The following GPD2 variants were observed in gnomAD, a reference collection of about 807,000 sequenced individuals.
The protein encoded by GPD2 is glycerol-3-phosphate dehydrogenase, mitochondrial.
A neutral mutation model predicts 82.4 loss-of-function variants in GPD2; 54 were observed. That is an observed-to-expected ratio of 0.66 (90% confidence interval 0.53 to 0.82). The LOEUF is 0.82. GPD2 is among the 40% of genes least tolerant of loss of function. The probability of loss-of-function intolerance (pLI) is 0.00; values close to 1 mark genes in which losing one functional copy is unlikely to be tolerated. For missense variants in GPD2, 748 were observed against 896.2 expected (o/e 0.83, Z 2.11); for synonymous variants, 288 against 306.1 (o/e 0.94, Z 0.62).
intron 6 of GPD2, among the ~76,000 whole-genome samples, chr2:156,534,327 G>A (rs1288865614): frequency 6.6e-6 from 1 of 152,174 alleles, no homozygotes; most frequent in African/African-American, 2.4e-5. Flanking sequence ...GGAGCCTGGG[G>A]TTTGGGGTTT....
Position 156,569,482 on chromosome 2 carries a change from G to T in GPD2, c.1420G>T (p.Asp474Tyr). The T allele has an allele frequency of 6.2e-7, 1 of 1,613,288 alleles. No individual in the cohort carries two copies. Among genetic ancestry groups the T allele is most frequent in the Non-Finnish European group, 8.5e-7 (1 of 1,179,374 alleles). ...TVGLFLQGGK[D>Y]WSPTLYIRLV... ...TGGGCTTTTCCTTCAAGGGGGTAAA[G>T]ATTGGAGCCCCACACTCTACATTAG... The change falls in exon 11 of 17, where the codon GAT (aspartate) becomes TAT (tyrosine). Residue 474 changes from aspartate (D) to tyrosine (Y), a missense_variant. Asp to Tyr is a radical substitution (Grantham distance 160). Around this residue, in one of 3 missense-constraint regions of GPD2, gnomAD observed 692 missense variants for 809.7 expected, o/e 0.85. Transcript: ENST00000438166.
rs571607972 is a variant in GPD2, at chr2:156,457,081, T to G, written c.-8-19017T>G. Among the ~76,000 whole-genome samples, 509 of 152,304 alleles carry G rather than the reference T, an allele frequency of 3.3e-3. 10 individuals are homozygous for G. The highest frequency in any genetic ancestry group is 0.012 in the African/African-American group (489 of 41,556). On this transcript the variant is annotated intron_variant, in intron 1 of 16. Coordinates refer to ENST00000438166, the MANE Select transcript of GPD2 (RefSeq NM_000408.5). ...TAGCTTGATTTCTTTAAAAAAAAAT[T>G]GACTCATAGACTGTTTCCATGGCAT...
intron 3 of GPD2, among the ~76,000 whole-genome samples, chr2:156,502,803 T>G (rs1684636378): frequency 6.6e-6 from 1 of 152,204 alleles, no homozygotes; most frequent in Non-Finnish European, 1.5e-5. Flanking sequence ...TTTATTTGTT[T>G]TATTTCTTTT....
At chr2:156,498,751 AGAAAG>A (rs945953552) in intron 3 of GPD2, among the ~76,000 whole-genome samples, 1 of 152,200 alleles carries the variant, frequency 6.6e-6, no homozygotes, top group African/African-American at 2.4e-5. Flanking sequence ...AAAAGAAAAT[AGAAAG>A]GAGGTAACTT....
chr2:156,515,600 C>A (rs771082383), intron 6 of GPD2, among the ~76,000 whole-genome samples: 2 of 152,072 alleles, frequency 1.3e-5, no homozygotes, highest in Non-Finnish European at 2.9e-5. Context: ...AAAAAGAATT[C>A]TTTAATCTAG....
upstream of GPD2, among the ~76,000 whole-genome samples, chr2:156,434,255 C>T (rs1356036384): frequency 6.6e-6 from 1 of 152,056 alleles, no homozygotes; most frequent in Non-Finnish European, 1.5e-5. Flanking sequence ...AGGTGTTTGC[C>T]ACCATGCCCG....
intron 13 of GPD2, among the ~76,000 whole-genome samples, chr2:156,572,495 CA>C (rs1336966547): frequency 1.3e-5 from 2 of 152,136 alleles, no homozygotes; most frequent in Admixed American, 6.6e-5. Context: ...CCTTCTTTAA[CA>C]ACTTCAGAGT....
chr2:156,456,225 G>A (rs1182956290), intron 1 of GPD2, among the ~76,000 whole-genome samples: 1 of 152,154 alleles, frequency 6.6e-6, no homozygotes, highest in Non-Finnish European at 1.5e-5. Context: ...GGCATTTTCT[G>A]GTGCCCACTT....
At chr2:156,465,862 G>A (rs558460477) in intron 1 of GPD2, among the ~76,000 whole-genome samples, 1 of 152,260 alleles carries the variant, frequency 6.6e-6, no homozygotes, top group Admixed American at 6.5e-5. Context: ...CAATGAATGT[G>A]TTTCATTGAT....
the GPD2 span, among the ~76,000 whole-genome samples, chr2:156,402,253 T>C: frequency 6.6e-6 from 1 of 152,192 alleles, no homozygotes; most frequent in African/African-American, 2.4e-5. Context: ...ATATTAAGAA[T>C]AATCGAATGG....
intron 1 of GPD2, among the ~76,000 whole-genome samples, chr2:156,447,318 G>A (rs192070721): frequency 2.0e-5 from 3 of 151,454 alleles, no homozygotes; most frequent in Admixed American, 1.3e-4. Flanking sequence ...ATCTGTCTTC[G>A]ATCTCAGATG....
intron 9 of GPD2, among the ~76,000 whole-genome samples, chr2:156,566,777 C>A (rs1435544006): frequency 6.6e-6 from 1 of 152,076 alleles, no homozygotes; most frequent in Admixed American, 6.6e-5. Context: ...GAGGAATCGC[C>A]ATACATTTTT....
intron 9 of GPD2, among the ~76,000 whole-genome samples, chr2:156,563,760 A>G (rs1326963787): frequency 1.3e-5 from 2 of 152,152 alleles, no homozygotes; most frequent in Non-Finnish European, 2.9e-5. Context: ...AGAAATAACT[A>G]GCTTAATCTA....
At chr2:156,405,385 A>G in the GPD2 span, among the ~76,000 whole-genome samples, 2 of 152,162 alleles carry the variant, frequency 1.3e-5, no homozygotes, top group African/African-American at 4.8e-5. Flanking sequence ...TTGGAAGTCA[A>G]TCACCTGATG....
intron 1 of GPD2, among the ~76,000 whole-genome samples, chr2:156,468,296 C>T (rs1027977340): frequency 6.6e-6 from 1 of 152,100 alleles, no homozygotes; most frequent in Non-Finnish European, 1.5e-5. Context: ...ATTACAGACC[C>T]GTTTGCTAGG....
At chr2:156,580,266 T>C (rs1402945800) in intron 16 of GPD2, among the ~76,000 whole-genome samples, 2 of 152,192 alleles carry the variant, frequency 1.3e-5, no homozygotes, top group African/African-American at 2.4e-5. Flanking sequence ...GATTCTGTCA[T>C]TATAAAGAAC....
chr2:156,517,513 A>G (rs373151447), intron 6 of GPD2, among the ~76,000 whole-genome samples: 1 of 152,232 alleles, frequency 6.6e-6, no homozygotes, highest in Non-Finnish European at 1.5e-5. Flanking sequence ...TAGAGTAATC[A>G]TATAGTCAAC....
the GPD2 span, among the ~76,000 whole-genome samples, chr2:156,403,947 T>G: frequency 6.6e-6 from 1 of 152,152 alleles, no homozygotes; most frequent in African/African-American, 2.4e-5. Flanking sequence ...GAGTGTATAG[T>G]TTGGGTTGTC....
intron 1 of GPD2, among the ~76,000 whole-genome samples, chr2:156,465,756 T>G (rs1462925396): frequency 6.6e-6 from 1 of 152,202 alleles, no homozygotes; most frequent in African/African-American, 2.4e-5. Context: ...AAACATTATC[T>G]TAACCCAATA....
Sources: allele counts gnomAD v4.1 joint callset (sites outside exome capture counted in the v4.1 genomes callset), GRCh38; gene constraint gnomAD v4.1.1; regional missense constraint gnomAD v4.1.1; transcripts MANE v1.5; gene names NCBI Gene and HGNC (gene_info 2026-07-23, HGNC 2026-07-21).